RBM23: variants seen among roughly 807,000 people sequenced by gnomAD.
The protein encoded by RBM23 is probable RNA-binding protein 23.
Under a neutral mutation model 56.2 loss-of-function variants are expected in RBM23, and 53 were observed. The ratio of observed to expected loss-of-function variants is 0.94; its 90% confidence interval spans 0.76 to 1.19. RBM23 has a LOEUF of 1.19. Among genes scored for constraint, RBM23 ranks in the 50% most tolerant of loss-of-function variants. RBM23 has a pLI of 0.00. For synonymous variants in RBM23, 197 were observed against 198.5 expected (o/e 0.99, Z 0.06); for missense variants, 642 against 590.3 (o/e 1.09, Z -0.91).
Position 22,898,729 on chromosome 14 carries a change from G to A in RBM23, c.*3001C>T, listed in dbSNP as rs1332747998. On this transcript the variant is annotated 3_prime_UTR_variant, in exon 14 of 14. Coordinates refer to ENST00000359890, the MANE Select transcript of RBM23 (RefSeq NM_001077351.2). ...GAGTGTAGGAAGGCCAAGGTAGCTA[G>A]GGATGGAAACATAAGGAAACCAAGC... The A allele has an allele frequency of 6.6e-6, 1 of 151,886 alleles. No individual in the cohort carries two copies. Among genetic ancestry groups the A allele is most frequent in the East Asian group, 1.9e-4 (1 of 5,134 alleles). 9.4% of individuals were successfully genotyped at this position (151,886 alleles called of 1,614,324 possible).
intron 1 of RBM23, among the ~76,000 whole-genome samples, chr14:22,915,896 C>G (rs114596566): frequency 1.3e-5 from 2 of 152,160 alleles, no homozygotes; most frequent in Non-Finnish European, 2.9e-5. Flanking sequence ...TTAAAACTAA[C>G]GTTTTTTGAA....
intron 5 of RBM23, 28 bp downstream of exon 5, chr14:22,906,167 A>T: frequency 6.2e-7 from 1 of 1,611,840 alleles, no homozygotes; most frequent in Non-Finnish European, 8.5e-7. Context: ...TATTATACAA[A>T]AGTGAATCTA....
At position 22,893,441 on chromosome 14, in the gene RBM23, T is replaced by C. The variant is rs1438632094; in HGVS notation, c.*8289A>G. 2 of 152,134 alleles carry C rather than the reference T, an allele frequency of 1.3e-5. No individual in the cohort carries two copies. The highest frequency in any genetic ancestry group is 2.9e-5 in the Non-Finnish European group (2 of 68,030). 9.4% of individuals were successfully genotyped at this position (152,134 alleles called of 1,614,324 possible). On this transcript the variant is annotated 3_prime_UTR_variant, in exon 14 of 14. Coordinates refer to ENST00000359890, the MANE Select transcript of RBM23 (RefSeq NM_001077351.2). ...CTTGCAATTAAGCTGGGGAGATGGA[T>C]GAGGTGATACAGCACAAAACAGGCA...
chr14:22,903,616 G>A (rs2041001955), intron 10 of RBM23: 3 of 997,804 alleles, frequency 3.0e-6, no homozygotes, highest in Non-Finnish European at 2.4e-6. Context: ...CACTGTGGGA[G>A]TGTATGCTGC....
At position 22,908,020 on chromosome 14, in the gene RBM23, T is replaced by C. The variant is rs375601819; in HGVS notation, c.227+313A>G. Among the ~76,000 whole-genome samples the C allele has an allele frequency of 1.2e-3, 188 of 152,264 alleles. 1 individual carries two copies. The highest frequency in any genetic ancestry group is 4.3e-3 in the African/African-American group (178 of 41,558). ...TAAGCTAAATGTTTCAATTTTTTAT[T>C]TTTATTTTTATTTTTTTTGAGACAG... On this transcript the variant is annotated intron_variant, in intron 4 of 13. Coordinates refer to ENST00000359890, the MANE Select transcript of RBM23 (RefSeq NM_001077351.2).
intron 10 of RBM23, chr14:22,902,994 C>A (rs1296866228): frequency 1.1e-5 from 9 of 811,142 alleles, no homozygotes; most frequent in African/African-American, 1.9e-5. Flanking sequence ...GTTGGTCAGG[C>A]TGGTCTCGAA....
At position 22,900,204 on chromosome 14, in the gene RBM23, A is replaced by G. The variant is rs1438198675; in HGVS notation, c.*1526T>C. ...GTCAGGAGAACCCTGCTGTTATACA[A>G]GACCCAAACCCCTTTGGATATTGGA... On this transcript the variant is annotated 3_prime_UTR_variant, in exon 14 of 14. Coordinates refer to ENST00000359890, the MANE Select transcript of RBM23 (RefSeq NM_001077351.2). 6.6e-6 allele frequency: 1 copy of G among 152,228 alleles called. No homozygotes were observed. The highest frequency in any genetic ancestry group is 1.5e-5 in the Non-Finnish European group (1 of 68,058). 9.4% of individuals were successfully genotyped at this position (152,228 alleles called of 1,614,324 possible).
intron 1 of RBM23, among the ~76,000 whole-genome samples, chr14:22,916,868 G>A (rs1385528720): frequency 6.6e-6 from 1 of 151,478 alleles, no homozygotes; most frequent in Non-Finnish European, 1.5e-5. Flanking sequence ...AAAAAGAAAA[G>A]TTTGTTTTTG....
intron 2 of RBM23, among the ~76,000 whole-genome samples, chr14:22,910,483 A>G: frequency 6.8e-6 from 1 of 147,048 alleles, no homozygotes; most frequent in Non-Finnish European, 1.5e-5. Context: ...AAAGAAAGGA[A>G]AAAAGAAAGC....
At position 22,914,309 on chromosome 14, in the gene RBM23, G is replaced by T. The variant is rs199624545; in HGVS notation, c.-10-2906C>A. Among the ~76,000 whole-genome samples the T allele has an allele frequency of 5.8e-4, 72 of 124,486 alleles. 1 individual carries two copies. The East Asian group carries it at 0.01, about 17-fold the overall frequency. The allele number at this position is 124,486 out of a possible 152,430, so 81.7% of individuals were successfully genotyped here. The stretch of plus-strand genomic sequence containing the variant: ...CACTGCACTCCAGCCTGGTGACAGA[G>T]CAAGACTCTGTCTCAAAAAAAAAAA... On this transcript the variant is annotated intron_variant, in intron 1 of 13. Coordinates refer to ENST00000359890, the MANE Select transcript of RBM23 (RefSeq NM_001077351.2).
At chr14:22,916,029 A>G (rs2043421045) in intron 1 of RBM23, among the ~76,000 whole-genome samples, 1 of 152,170 alleles carries the variant, frequency 6.6e-6, no homozygotes, top group Admixed American at 6.5e-5. Flanking sequence ...CAGCCTGGGC[A>G]ATACAGTGAG....
Position 22,904,279 on chromosome 14 carries a change from T to C in RBM23, c.912A>G (p.Lys304=), listed in dbSNP as rs2041134139. The change falls in exon 10 of 14, where the codon AAA becomes AAG. Residue 304 remains lysine (K), a synonymous_variant. Transcript: ENST00000359890. The part of the protein sequence containing the change: ...LMKDSDTGRS[K]GYGFITFSDS... ...GACTCACCGTGATGAAACCATAACC[T>C]TTAGAGCGGCCTGTATCTGAGTCCT... 1 of 1,613,744 alleles carries C rather than the reference T, an allele frequency of 6.2e-7. No individual in the cohort carries two copies. Among genetic ancestry groups the C allele is most frequent in the African/African-American group, 1.3e-5 (1 of 75,020 alleles).
chr14:22,903,352 G>A, intron 10 of RBM23: 2 of 985,468 alleles, frequency 2.0e-6, no homozygotes, highest in Non-Finnish European at 2.4e-6. Flanking sequence ...GGGCAAAAAT[G>A]CCCCACAGAA....
Position 22,909,474 on chromosome 14 carries a change from C to A in RBM23, c.179+9G>T. ...AAGTTGCCAACCCATTTCTTCCTCC[C>A]ACACTCACTTGCTTGTCTCCCCGAT... On this transcript the variant is annotated intron_variant, in intron 3 of 13. Transcript: ENST00000359890. 1.9e-6 allele frequency: 3 copies of A among 1,610,340 alleles called. No homozygotes were observed. In the South Asian group the frequency reaches 3.3e-5, roughly 18 times the overall value.
chr14:22,905,817 C>T (rs1414485566), intron 5 of RBM23, 158 bp from the exon 6 acceptor site: 2 of 639,152 alleles, frequency 3.1e-6, no homozygotes, highest in Admixed American at 2.9e-5. Flanking sequence ...GGCGCCATCT[C>T]GGGTCACTGC....
chr14:22,905,939 A>T, intron 5 of RBM23: 1 of 594,540 alleles, frequency 1.7e-6, no homozygotes, highest in Non-Finnish European at 3.0e-6. Flanking sequence ...TTGTAGAACC[A>T]GGGTTTCGCC....
At chr14:22,906,470 G>A (rs1326449011) in intron 4 of RBM23, 102 bp from the exon 5 acceptor site, 1 of 1,353,032 alleles carries the variant, frequency 7.4e-7, no homozygotes, top group Non-Finnish European at 1.0e-6. Context: ...GTGCTGAGAA[G>A]TTCGTATAAC....
rs1232251810 is a variant in RBM23 at position 22,899,851 on chromosome 14, G to A, written c.*1879C>T. ...TCACTGGCTTAGAAGTCTGAGAGCT[G>A]ACAAATTAAAACCTAACAGCAATTA... On this transcript the variant is annotated 3_prime_UTR_variant, in exon 14 of 14. Coordinates refer to ENST00000359890, the MANE Select transcript of RBM23 (RefSeq NM_001077351.2). 1 of 152,160 alleles carries A rather than the reference G, an allele frequency of 6.6e-6. No homozygotes were observed. Among genetic ancestry groups the A allele is most frequent in the Non-Finnish European group, 1.5e-5 (1 of 68,040 alleles). The allele number at this position is 152,160 out of a possible 1,614,324, so 9.4% of individuals were successfully genotyped here. A position where few individuals can be genotyped will look rare whatever the true frequency, so the allele number is the denominator to read the frequency against.
chr14:22,903,318 T>C (rs894167894), intron 10 of RBM23: 2 of 985,474 alleles, frequency 2.0e-6, no homozygotes, highest in Non-Finnish European at 2.4e-6. Flanking sequence ...GTCAAGGTTG[T>C]TGACCCAAAA....
Sources: allele counts gnomAD v4.1 joint callset (sites outside exome capture counted in the v4.1 genomes callset), GRCh38; gene constraint gnomAD v4.1.1; transcripts MANE v1.5; gene names NCBI Gene and HGNC (gene_info 2026-07-23, HGNC 2026-07-21).